DLC1: variants seen among roughly 807,000 people sequenced by gnomAD.
The protein encoded by DLC1 is rho GTPase-activating protein 7.
Under a neutral mutation model 140.3 loss-of-function variants are expected in DLC1, and 54 were observed. That is an observed-to-expected ratio of 0.38 (90% CI 0.31 to 0.48). The LOEUF (loss-of-function observed/expected upper bound fraction) is 0.48. Ranked by LOEUF, DLC1 falls within the 20% of genes least tolerant of loss-of-function variation. The probability of loss-of-function intolerance (pLI) is 0.96; values close to 1 mark genes in which losing one functional copy is unlikely to be tolerated. For missense variants in DLC1, 2,536 were observed against 1,907.0 expected (o/e 1.33, Z -6.14); for synonymous variants, 986 against 728.1 (o/e 1.35, Z -5.70).
intron 4 of DLC1, among the ~76,000 whole-genome samples, chr8:13,382,371 G>T (rs1158010912): frequency 6.6e-6 from 1 of 150,972 alleles, no homozygotes; most frequent in Non-Finnish European, 1.5e-5. Flanking sequence ...GCCGGGCGAG[G>T]TGGCGGGCGC....
At chr8:13,592,553 C>T (rs1025673499) in intron 1 of DLC1, among the ~76,000 whole-genome samples, 6 of 151,954 alleles carry the variant, frequency 3.9e-5, no homozygotes, top group African/African-American at 1.4e-4. Context: ...TTTTAAAAAA[C>T]TTTAGCTCTT....
intron 4 of DLC1, among the ~76,000 whole-genome samples, chr8:13,319,414 C>T (rs1832993621): frequency 1.3e-5 from 2 of 150,786 alleles, no homozygotes; most frequent in South Asian, 2.1e-4. Flanking sequence ...TGTGTGTCCC[C>T]ACCCAAATTT....
intron 2 of DLC1, among the ~76,000 whole-genome samples, chr8:13,487,331 T>C (rs572643084): frequency 6.6e-6 from 1 of 152,188 alleles, no homozygotes; most frequent in Non-Finnish European, 1.5e-5. Flanking sequence ...CTACATGTCA[T>C]AATTCTCTTA....
chr8:13,291,303 T>G (rs1831747742), intron 5 of DLC1, among the ~76,000 whole-genome samples: 1 of 152,232 alleles, frequency 6.6e-6, no homozygotes, highest in African/African-American at 2.4e-5. Flanking sequence ...TGTAACTTAC[T>G]TAAGGCTTAT....
chr8:13,120,516 C>G (rs1820970949), intron 5 of DLC1, among the ~76,000 whole-genome samples: 1 of 151,562 alleles, frequency 6.6e-6, no homozygotes, highest in Non-Finnish European at 1.5e-5. Flanking sequence ...TCTAACACAG[C>G]TCTGAATGTG....
At chr8:13,330,120 A>G (rs1170251813) in intron 4 of DLC1, among the ~76,000 whole-genome samples, 1 of 152,184 alleles carries the variant, frequency 6.6e-6, no homozygotes, top group Non-Finnish European at 1.5e-5. Context: ...GCACACCACA[A>G]TGTCTGGATA....
intron 5 of DLC1, among the ~76,000 whole-genome samples, chr8:13,120,768 T>C (rs897859804): frequency 6.6e-6 from 1 of 152,128 alleles, no homozygotes; most frequent in Non-Finnish European, 1.5e-5. Context: ...TTCTGGACAT[T>C]AGATGGATGA....
Position 13,470,618 on chromosome 8 carries a change from G to A in DLC1, c.1023+28431C>T, listed in dbSNP as rs146017265. 7.9e-5 allele frequency among the ~76,000 whole-genome samples: 12 copies of A among 152,294 alleles called. No individual in the cohort carries two copies. The East Asian group carries it at 1.2e-3, about 15-fold the overall frequency. ...TATTAGAATAAGTGTTGGTGAAAGCGTGGAGAAAAGGAAACTTTTGTACAC... is the reference window on the plus strand; with the variant it reads ...TATTAGAATAAGTGTTGGTGAAAGCATGGAGAAAAGGAAACTTTTGTACAC... On this transcript the variant is annotated intron_variant, in intron 2 of 17. Coordinates refer to ENST00000276297, the MANE Select transcript of DLC1 (RefSeq NM_182643.3).
intron 5 of DLC1, among the ~76,000 whole-genome samples, chr8:13,142,353 T>C (rs1430739627): frequency 6.6e-6 from 1 of 152,232 alleles, no homozygotes; most frequent in African/African-American, 2.4e-5. Context: ...ATTATACAGA[T>C]TTTCTGTTCC....
At chr8:13,247,060 A>T (rs1235297653) in intron 5 of DLC1, among the ~76,000 whole-genome samples, 1 of 152,212 alleles carries the variant, frequency 6.6e-6, no homozygotes, top group Non-Finnish European at 1.5e-5. Flanking sequence ...CCACATTGTA[A>T]GGAGCGTCAC....
chr8:13,363,138 A>G lies in DLC1; in HGVS notation c.1314+30415T>C, dbSNP rs532646145. On this transcript the variant is annotated intron_variant, in intron 4 of 17. Coordinates refer to ENST00000276297, the MANE Select transcript of DLC1 (RefSeq NM_182643.3). ...ACAAACATCACACAAATATTTGTAA[A>G]TTACTAATTCTGTTAATGTCTACAC... Among the ~76,000 whole-genome samples the G allele has an allele frequency of 3.9e-5, 6 of 152,320 alleles. No homozygotes were observed. In the South Asian group the frequency reaches 6.2e-4, roughly 16 times the overall value.
Position 13,431,504 on chromosome 8 carries a change from A to AAAG in DLC1, c.1024-29886_1024-29885insCTT, listed in dbSNP as rs1472716270. 1.4e-3 allele frequency among the ~76,000 whole-genome samples: 209 copies of AAAG among 149,392 alleles called. 1 individual carries two copies. Among genetic ancestry groups the AAAG allele is most frequent in the African/African-American group, 5.0e-3 (203 of 40,416 alleles). ...TCTCAAAAAAAAAAAAAAAAAAAAA[A>AAAG]AAAAAAAAAAAGAAAAGAATCAAGC... On this transcript the variant is annotated intron_variant, in intron 2 of 17. Coordinates refer to ENST00000276297, the MANE Select transcript of DLC1 (RefSeq NM_182643.3).
At chr8:13,170,525 T>A (rs1333479523) in intron 5 of DLC1, among the ~76,000 whole-genome samples, 1 of 151,972 alleles carries the variant, frequency 6.6e-6, no homozygotes, top group East Asian at 1.9e-4. Context: ...GGTCAGGAAA[T>A]CGAGACCATC....
intron 5 of DLC1, among the ~76,000 whole-genome samples, chr8:13,150,048 C>T (rs1231524181): frequency 6.6e-6 from 1 of 152,136 alleles, no homozygotes; most frequent in Non-Finnish European, 1.5e-5. Flanking sequence ...GTTGTATTGC[C>T]CATAAAACCG....
At chr8:13,283,894 A>G (rs985575244) in intron 5 of DLC1, among the ~76,000 whole-genome samples, 6 of 152,306 alleles carry the variant, frequency 3.9e-5, no homozygotes, top group African/African-American at 1.4e-4. Flanking sequence ...ATCAAAGAAG[A>G]TGGAGCAGAA....
At chr8:13,100,946 G>A in intron 8 of DLC1, 176 bp from the exon 9 acceptor site, 3 of 652,858 alleles carry the variant, frequency 4.6e-6, no homozygotes, top group Non-Finnish European at 6.8e-6. Context: ...TCACTCTGTT[G>A]TACAGGCTGT....
At chr8:13,495,558 A>G (rs1370987089) in intron 2 of DLC1, among the ~76,000 whole-genome samples, 1 of 152,142 alleles carries the variant, frequency 6.6e-6, no homozygotes, top group African/African-American at 2.4e-5. Context: ...ATTTAGAGGA[A>G]TTATTGGCTT....
chr8:13,295,686 G>T (rs1831916279), intron 5 of DLC1, among the ~76,000 whole-genome samples: 1 of 152,150 alleles, frequency 6.6e-6, no homozygotes, highest in Non-Finnish European at 1.5e-5. Context: ...GGGTCAATAC[G>T]AGAAGTATAG....
Position 13,112,994 on chromosome 8 carries a change from T to C in DLC1, c.1421-2171A>G, listed in dbSNP as rs919914739. ...TTACCTATATGTGAGAAAGTAACTA[T>C]GTTATTTTAGGAATTCTAAGTTAGT... On this transcript the variant is annotated intron_variant, in intron 6 of 17. Transcript: ENST00000276297. 1.7e-4 allele frequency among the ~76,000 whole-genome samples: 26 copies of C among 152,350 alleles called. 1 individual carries two copies. Among genetic ancestry groups the C allele is most frequent in the Middle Eastern group, 6.8e-3 (2 of 294 alleles).
Sources: gnomAD v4.1 joint callset for allele counts (sites outside exome capture counted in the v4.1 genomes callset) on GRCh38, gnomAD v4.1.1 for gene constraint, MANE v1.5 for transcripts, NCBI Gene and HGNC (gene_info 2026-07-23, HGNC 2026-07-21) for gene names.